The following DDX10 variants were observed in gnomAD, a reference collection of about 807,000 sequenced individuals.
DDX10 encodes the protein DEAD-box helicase 10, also known as probable ATP-dependent RNA helicase DDX10.
Under a neutral mutation model 104.3 loss-of-function variants are expected in DDX10, and 74 were observed. The observed-to-expected ratio is 0.71, with a 90% CI of 0.59 to 0.86. DDX10 has a LOEUF of 0.86. Ranked by LOEUF, DDX10 falls within the 40% of genes least tolerant of loss-of-function variation. The pLI, the probability that DDX10 is intolerant of heterozygous loss-of-function variation, is 0.00. For missense variants in DDX10, 952 were observed against 1,040.0 expected, an observed-to-expected ratio of 0.92 and a Z score of 1.16; for synonymous variants, 351 against 353.4, an observed-to-expected ratio of 0.99 and a Z score of 0.08.
At chr11:108,704,511 T>C (rs777788185) in intron 9 of DDX10, among the ~76,000 whole-genome samples, 2 of 152,190 alleles carry the variant, frequency 1.3e-5, no homozygotes, top group Non-Finnish European at 2.9e-5. Flanking sequence ...ACCTGCAATC[T>C]TTCCTTGGTG....
intron 13 of DDX10, chr11:108,729,710 G>T (rs937981950): frequency 6.6e-6 from 1 of 152,108 alleles, no homozygotes; most frequent in East Asian, 1.9e-4. Context: ...CCTCTGAGGT[G>T]GGAGGACCAC....
rs935056994 is a variant in DDX10, at chr11:108,786,790, T to C, written c.1966-51656T>C. ...GCACCAGACAGTTGGGTCTTGCCTT[T>C]TTATCCATCTTGCCATTCTATGCCT... On this transcript the variant is annotated intron_variant, in intron 13 of 17. Transcript: ENST00000322536. 2.6e-5 allele frequency among the ~76,000 whole-genome samples: 4 copies of C among 152,206 alleles called. No individual in the cohort carries two copies. The South Asian group carries it at 8.3e-4, about 32-fold the overall frequency.
intron 13 of DDX10, among the ~76,000 whole-genome samples, chr11:108,725,445 AG>A (rs2094304236): frequency 6.6e-6 from 1 of 152,068 alleles, no homozygotes. Context: ...CAGTGTATAG[AG>A]TTCGAGTTGC....
intron 16 of DDX10, among the ~76,000 whole-genome samples, chr11:108,889,332 T>C (rs1863343638): frequency 6.6e-6 from 1 of 152,192 alleles, no homozygotes; most frequent in Non-Finnish European, 1.5e-5. Context: ...CTAGAAGTAC[T>C]GTCACTGTAT....
intron 9 of DDX10, among the ~76,000 whole-genome samples, chr11:108,700,429 G>T (rs955489566): frequency 6.6e-6 from 1 of 152,178 alleles, no homozygotes; most frequent in Non-Finnish European, 1.5e-5. Flanking sequence ...TCTTGCCAGT[G>T]TGCCCTGATC....
At chr11:108,813,385 A>G (rs1427235881) in intron 13 of DDX10, among the ~76,000 whole-genome samples, 1 of 152,142 alleles carries the variant, frequency 6.6e-6, no homozygotes, top group Non-Finnish European at 1.5e-5. Context: ...AGCTATTTAT[A>G]TTGGCTCTTC....
intron 13 of DDX10, among the ~76,000 whole-genome samples, chr11:108,772,367 C>G (rs1237228169): frequency 6.6e-6 from 1 of 152,092 alleles, no homozygotes; most frequent in Non-Finnish European, 1.5e-5. Context: ...GGGAGAGAGA[C>G]ACACAGGGAA....
intron 11 of DDX10, among the ~76,000 whole-genome samples, chr11:108,718,735 A>G (rs1046848738): frequency 5.3e-5 from 8 of 152,262 alleles, no homozygotes; most frequent in African/African-American, 1.7e-4. Flanking sequence ...GCAGCAAGCT[A>G]TCTAGTTTCA....
chr11:108,904,199 A>G (rs1163721474), intron 16 of DDX10, among the ~76,000 whole-genome samples: 2 of 152,138 alleles, frequency 1.3e-5, no homozygotes, highest in Non-Finnish European at 2.9e-5. Context: ...GAGTCAGAGC[A>G]GGGTGGTTTC....
chr11:108,903,644 TATATGCATATATCATTTC>T (rs1863548616), intron 16 of DDX10, among the ~76,000 whole-genome samples: 1 of 152,168 alleles, frequency 6.6e-6, no homozygotes, highest in Admixed American at 6.6e-5. Context: ...ATGCATAGGT[TATATGCATATATCATTTC>T]ATATCAGGGA....
At chr11:108,848,366 A>G (rs189248039) in intron 15 of DDX10, among the ~76,000 whole-genome samples, 1 of 152,304 alleles carries the variant, frequency 6.6e-6, no homozygotes. Context: ...CAGAAGTGTC[A>G]TCTTGAGGAC....
At chr11:108,700,391 C>G (rs1254928284) in intron 9 of DDX10, among the ~76,000 whole-genome samples, 1 of 152,188 alleles carries the variant, frequency 6.6e-6, no homozygotes, top group African/African-American at 2.4e-5. Flanking sequence ...GGGATTTATG[C>G]TTAGATCTTT....
rs554529266 is a variant in DDX10 at position 108,703,014 on chromosome 11, A to G, written c.1224-3725A>G. On this transcript the variant is annotated intron_variant, in intron 9 of 17. Coordinates refer to ENST00000322536, the MANE Select transcript of DDX10 (RefSeq NM_004398.4). ...TATAGTATTGATATTGATGGCAAAA[A>G]TGAAATTTTGTTTCAGATGCTTGTT... is the stretch of plus-strand genomic sequence containing the variant. Among the ~76,000 whole-genome samples, 11 of 152,372 alleles carry G rather than the reference A, an allele frequency of 7.2e-5. No homozygotes were observed. In the South Asian group the frequency reaches 2.3e-3, roughly 32 times the overall value.
At chr11:108,768,818 C>T (rs1189512639) in intron 13 of DDX10, among the ~76,000 whole-genome samples, 2 of 150,460 alleles carry the variant, frequency 1.3e-5, no homozygotes, top group Non-Finnish European at 3.0e-5. Context: ...TTTTTTTTGC[C>T]CCGTTTTAAA....
chr11:108,808,740 A>G (rs10789683), intron 13 of DDX10, among the ~76,000 whole-genome samples: 74,558 of 151,926 alleles, frequency 0.49, 20,497 homozygotes, highest in Non-Finnish European at 0.61. Context: ...TCTCAGCAGC[A>G]AAGGATTTGA....
intron 13 of DDX10, among the ~76,000 whole-genome samples, chr11:108,823,806 G>A (rs1206794649): frequency 1.3e-5 from 2 of 152,166 alleles, no homozygotes; most frequent in African/African-American, 4.8e-5. Context: ...TTTCTTATAG[G>A]TATTGGAGCC....
intron 13 of DDX10, chr11:108,768,064 T>C (rs539538299): frequency 6.6e-6 from 1 of 152,372 alleles, no homozygotes; most frequent in South Asian, 2.1e-4. Context: ...TAGCTTACTT[T>C]ATTGTAAGAC....
chr11:108,800,442 C>CAAAAAAAA lies in DDX10; in HGVS notation c.1966-37991_1966-37984dup, dbSNP rs61200843. On this transcript the variant is annotated intron_variant, in intron 13 of 17. Transcript: ENST00000322536. ...CCTGGGCGACAGAGCGAGACTCTTTCAAAAAAAAAAAAAAAAAAAAGAACA... is the reference window on the plus strand; with the variant it reads ...CCTGGGCGACAGAGCGAGACTCTTTCAAAAAAAAAAAAAAAAAAAAAAAAAAAAGAACA... 1.4e-3 allele frequency among the ~76,000 whole-genome samples: 134 copies of CAAAAAAAA among 94,390 alleles called. 5 individuals carry two copies. The highest frequency in any genetic ancestry group is 4.2e-3 in the East Asian group (12 of 2,882). 61.9% of individuals were successfully genotyped at this position (94,390 alleles called of 152,430 possible).
At chr11:108,843,993 A>G (rs1452729449) in intron 15 of DDX10, among the ~76,000 whole-genome samples, 1 of 152,148 alleles carries the variant, frequency 6.6e-6, no homozygotes, top group African/African-American at 2.4e-5. Context: ...TTTTCTTTGC[A>G]TCATTATTAG....
Sources: gnomAD v4.1 joint callset for allele counts (sites outside exome capture counted in the v4.1 genomes callset) on GRCh38, gnomAD v4.1.1 for gene constraint, MANE v1.5 for transcripts, NCBI Gene and HGNC (gene_info 2026-07-23, HGNC 2026-07-21) for gene names.